The following C17orf75 variants were observed in gnomAD, a reference collection of about 807,000 sequenced individuals.
C17orf75 encodes chromosome 17 open reading frame 75.
Under a neutral mutation model 49.6 loss-of-function variants are expected in C17orf75, and 32 were observed. The observed-to-expected ratio is 0.65, with a 90% CI of 0.49 to 0.87. The LOEUF (loss-of-function observed/expected upper bound fraction) is 0.87. C17orf75 is among the 40% of genes least tolerant of loss of function. The probability of loss-of-function intolerance (pLI) is 0.00; values close to 1 mark genes in which losing one functional copy is unlikely to be tolerated. For synonymous variants in C17orf75, 158 were observed against 159.5 expected (o/e 0.99, Z 0.07); for missense variants, 428 against 473.9 (o/e 0.90, Z 0.90).
chr17:32,335,282 G>A, intron 6 of C17orf75, 41 bp downstream of exon 6: 2 of 1,605,740 alleles, frequency 1.2e-6, no homozygotes, highest in Non-Finnish European at 8.5e-7. Context: ...CATCCAAAGT[G>A]ATTCTCAGTT....
chr17:32,335,596 T>A (rs907877473), intron 5 of C17orf75, among the ~76,000 whole-genome samples, 154 bp from the exon 6 acceptor site: 7 of 152,050 alleles, frequency 4.6e-5, no homozygotes, highest in Non-Finnish European at 8.8e-5. Context: ...GAAATTGTGA[T>A]ATACCTTTCC....
At chr17:32,339,390 A>G (rs2041356592) in intron 3 of C17orf75, among the ~76,000 whole-genome samples, 1 of 150,982 alleles carries the variant, frequency 6.6e-6, no homozygotes. Flanking sequence ...CCTGGGCAAC[A>G]TGGTAGGACC....
chr17:32,335,032 TG>T (rs1465311506), intron 6 of C17orf75, among the ~76,000 whole-genome samples, 193 bp from the exon 7 acceptor site: 1 of 152,262 alleles, frequency 6.6e-6, no homozygotes, highest in African/African-American at 2.4e-5. Context: ...TCTGGATTTT[TG>T]TTTTCCTTTT....
upstream of C17orf75, among the ~76,000 whole-genome samples, chr17:32,344,383 C>T (rs1242813244): frequency 2.6e-5 from 4 of 151,872 alleles, no homozygotes; most frequent in South Asian, 2.1e-4. Context: ...TTTGGGAGGC[C>T]GAGGCAGGCG....
upstream of C17orf75, among the ~76,000 whole-genome samples, chr17:32,344,943 G>A (rs1474992086): frequency 1.3e-5 from 2 of 151,842 alleles, no homozygotes; most frequent in Non-Finnish European, 2.9e-5. Context: ...AGAAAGAAAG[G>A]AAGTAATAGA....
chr17:32,335,242 T>C (rs977622070), intron 6 of C17orf75, 81 bp downstream of exon 6: 5 of 1,516,474 alleles, frequency 3.3e-6, no homozygotes, highest in African/African-American at 2.8e-5. Flanking sequence ...ATGGGAGTCA[T>C]GTTCAGAGAA....
At chr17:32,334,369 T>C (rs535535364) in intron 8 of C17orf75, 100 bp downstream of exon 8, 16 of 1,390,476 alleles carry the variant, frequency 1.2e-5, no homozygotes, top group Admixed American at 3.0e-5. Context: ...CATGTAAAAC[T>C]GCACAAGGCA....
At position 32,330,438 on chromosome 17, in the gene C17orf75, G is replaced by A. The variant is rs1376728346; in HGVS notation, c.*1325C>T. The A allele has an allele frequency of 2.0e-5, 3 of 152,214 alleles. No homozygotes were observed. The highest frequency in any genetic ancestry group is 7.2e-5 in the African/African-American group (3 of 41,446). The allele number at this position is 152,214 out of a possible 1,614,324, so 9.4% of individuals were successfully genotyped here. On this transcript the variant is annotated 3_prime_UTR_variant, in exon 10 of 10. Transcript: ENST00000577809. ...TGCTCCTCTGAGCATCCTCAGGGAA[G>A]TGAGAACACAAGACTTCTGTTCTTC...
intron 4 of C17orf75, 32 bp from the exon 5 acceptor site, chr17:32,337,986 T>C (rs35677406): frequency 0.43 from 669,156 of 1,569,732 alleles, 149,684 homozygotes; most frequent in Non-Finnish European, 0.46. Context: ...AAAGGATGAA[T>C]AATGAAGACA....
At chr17:32,344,424 T>C (rs968397489), upstream of C17orf75, among the ~76,000 whole-genome samples, 10 of 151,660 alleles carry the variant, frequency 6.6e-5, no homozygotes, top group Non-Finnish European at 1.3e-4. Context: ...GAGACCATCC[T>C]GGCTAATACG....
chr17:32,344,167 ATTTTTAT>A (rs1447964445), upstream of C17orf75: 3 of 514,954 alleles, frequency 5.8e-6, no homozygotes, highest in African/African-American at 1.9e-5. Context: ...AAACAGCTGT[ATTTTTAT>A]TTTTTATAGA....
At chr17:32,348,681 A>C (rs2041447943) in intron 1 of C17orf75, among the ~76,000 whole-genome samples, 1 of 152,196 alleles carries the variant, frequency 6.6e-6, no homozygotes, top group Non-Finnish European at 1.5e-5. Flanking sequence ...GAACCCAAGC[A>C]CTGGACTTTT....
In C17orf75 at chr17:32,350,002, A is replaced by C. The variant is rs969258553; in HGVS notation, c.-67T>G. ...GTGCTCCGCAAGCACAGCCAGCGAA[A>C]GCGAAAAACTCTGAAACGGACAAGA... On this transcript the variant is annotated 5_prime_UTR_variant, in exon 1 of 9. Transcript: ENST00000583774. 62 of 1,308,030 alleles carry C rather than the reference A, an allele frequency of 4.7e-5. 1 individual carries two copies. The South Asian group carries it at 1.0e-3, about 22-fold the overall frequency. The allele number at this position is 1,308,030 out of a possible 1,614,324, so 81.0% of individuals were successfully genotyped here. A position where few individuals can be genotyped will look rare whatever the true frequency, so the allele number is the denominator to read the frequency against.
intron 2 of C17orf75, 134 bp from the exon 3 acceptor site, chr17:32,340,072 G>T: frequency 1.0e-6 from 1 of 997,528 alleles, no homozygotes; most frequent in Non-Finnish European, 1.4e-6. Flanking sequence ...CCCTATTGGT[G>T]AGGCTTCTAG....
chr17:32,348,212 C>T (rs548266768), intron 1 of C17orf75, among the ~76,000 whole-genome samples: 5 of 151,382 alleles, frequency 3.3e-5, no homozygotes, highest in South Asian at 4.2e-4. Context: ...TAGTAAAGAC[C>T]GGGTTTCACC....
intron 1 of C17orf75, among the ~76,000 whole-genome samples, chr17:32,349,504 C>G (rs541713666): frequency 2.0e-5 from 3 of 152,230 alleles, no homozygotes; most frequent in African/African-American, 7.2e-5. Flanking sequence ...TCGCTTGAAC[C>G]CGGGAGACGG....
chr17:32,350,005 G>C (rs1391003847), exon 1 of C17orf75: 15 of 1,314,586 alleles, frequency 1.1e-5, no homozygotes, highest in Non-Finnish European at 1.5e-5. Flanking sequence ...CAGCGAAAGC[G>C]AAAAACTCTG....
At chr17:32,339,776 A>G in intron 3 of C17orf75, 37 bp downstream of exon 3, 3 of 1,606,992 alleles carry the variant, frequency 1.9e-6, no homozygotes, top group Non-Finnish European at 2.5e-6. Context: ...TTTAGTTCAG[A>G]AATAAAAACT....
intron 5 of C17orf75, among the ~76,000 whole-genome samples, chr17:32,337,660 G>A (rs1426258236): frequency 6.6e-6 from 1 of 152,176 alleles, no homozygotes; most frequent in East Asian, 1.9e-4. Context: ...TGAAACCTCT[G>A]CCTCCCGGGT....
Sources: gnomAD v4.1 joint callset for allele counts (sites outside exome capture counted in the v4.1 genomes callset) on GRCh38, gnomAD v4.1.1 for gene constraint, MANE v1.5 for transcripts, NCBI Gene and HGNC (gene_info 2026-07-23, HGNC 2026-07-21) for gene names.